MYORG: variants seen among roughly 807,000 people sequenced by gnomAD.
MYORG encodes the protein myogenesis regulating glycosidase, also known as alpha-galactosidase MYORG.
Under a neutral mutation model 49.8 loss-of-function variants are expected in MYORG, and 45 were observed. That is an observed-to-expected ratio of 0.90 (90% CI 0.71 to 1.16). MYORG has a LOEUF of 1.16. MYORG is among the 50% of genes most tolerant of loss of function. The pLI, the probability that MYORG is intolerant of heterozygous loss-of-function variation, is 0.00. For missense variants in MYORG, 1,110 were observed against 1,026.5 expected, an observed-to-expected ratio of 1.08 and a Z score of -1.11; for synonymous variants, 552 against 462.9, an observed-to-expected ratio of 1.19 and a Z score of -2.47.
rs779314269 is a variant in MYORG, at chr9:34,371,140, C to T, written c.1804G>A (p.Ala602Thr). 2.1e-5 allele frequency: 33 copies of T among 1,607,942 alleles called. No individual in the cohort carries two copies. Among genetic ancestry groups the T allele is most frequent in the Non-Finnish European group, 2.8e-5 (33 of 1,176,158 alleles). Residue 602 changes from alanine (A) to threonine (T), a missense_variant, in exon 2 of 2, where the codon GCC (alanine) becomes ACC (threonine). By Grantham distance (58) the Ala-to-Thr change is moderately conservative. Coordinates refer to ENST00000297625, the MANE Select transcript of MYORG (RefSeq NM_020702.5). ...AGGGCGGCGAACTTCTGCGCGATGG[C>T]CACCACTTCCGCGTCGTAGCGCCAG... ...PPWRYDAEVV[A>T]IAQKFAALRA...
chr9:34,375,485 C>T (rs1820704212), intron 1 of MYORG, among the ~76,000 whole-genome samples: 1 of 152,236 alleles, frequency 6.6e-6, no homozygotes, highest in Admixed American at 6.5e-5. Context: ...CAGCCAGTGG[C>T]CTTTAGGTGA....
rs888107605 is a variant in MYORG, at chr9:34,376,313, C to T, written c.-64+480G>A. Among the ~76,000 whole-genome samples the T allele has an allele frequency of 2.0e-5, 3 of 152,228 alleles. No homozygotes were observed. Among genetic ancestry groups the T allele is most frequent in the Admixed American group, 2.0e-4 (3 of 15,292 alleles). ...AGAGACCTCTGTAATCTGCCGCCTC[C>T]GCCAGGTGGAGTCTGGGCTCTGCCC... On this transcript the variant is annotated intron_variant, in intron 1 of 1. Coordinates refer to ENST00000297625, the MANE Select transcript of MYORG (RefSeq NM_020702.5). The surrounding 1 kb of genome is among the most constrained non-coding windows in gnomAD (Gnocchi z 4.4).
rs748468113 is a variant in MYORG at position 34,371,221 on chromosome 9, T to C, written c.1723A>G (p.Ile575Val). ...AAGGCGGCCACTTCCAGCCAGCGAA[T>C]GTAGAGCTCGCGCTCGGGCACATCG... is the stretch of plus-strand genomic sequence containing the variant. ...GGDVPERELYIRWLEVAAFMP... is the reference protein window; with the variant it reads ...GGDVPERELYVRWLEVAAFMP... Residue 575 changes from isoleucine to valine, a missense_variant, in exon 2 of 2, where the codon ATT (isoleucine) becomes GTT (valine). Transcript: ENST00000297625. The C allele has an allele frequency of 4.3e-6, 7 of 1,610,434 alleles. No homozygotes were observed. In the Admixed American group the frequency reaches 5.0e-5, roughly 12 times the overall value.
Position 34,372,758 on chromosome 9 carries a change from A to C in MYORG, c.186T>G (p.Val62=). ...CGGCCAGCACAAGCAGCAGCCCCAG[A>C]ACCGCGGAGCCCAGCAGCGGCTTCA... ...KDLKPLLGSA[V]LGLLLVLAAV... is the part of the protein sequence containing the mutation. Residue 62 remains valine, a synonymous_variant, in exon 2 of 2, where the codon GTT becomes GTG. Transcript: ENST00000297625. The C allele has an allele frequency of 6.2e-7, 1 of 1,613,892 alleles. No individual in the cohort carries two copies. Among genetic ancestry groups the C allele is most frequent in the Non-Finnish European group, 8.5e-7 (1 of 1,179,816 alleles).
Position 34,371,970 on chromosome 9 carries a change from C to T in MYORG, c.974G>A (p.Gly325Glu). ...DPIWSTWALY[G>E]RAVDQDKVLR... ...CACCTTGTCCTGGTCCACGGCGCGC[C>T]CGTACAGCGCCCATGTGGACCAAAT... The change falls in exon 2 of 2, where the codon GGG becomes GAG. Residue 325 changes from glycine to glutamate, a missense_variant. Gly to Glu is a moderately conservative substitution (Grantham distance 98). Transcript: ENST00000297625. 2 of 1,614,042 alleles carry T rather than the reference C, an allele frequency of 1.2e-6. No homozygotes were observed. Among genetic ancestry groups the T allele is most frequent in the Non-Finnish European group, 1.7e-6 (2 of 1,179,898 alleles).
In MYORG at chr9:34,370,873, C is replaced by T; in HGVS notation, c.2071G>A (p.Asp691Asn). 7.5e-6 allele frequency: 12 copies of T among 1,609,064 alleles called. No individual in the cohort carries two copies. The highest frequency in any genetic ancestry group is 9.4e-6 in the Non-Finnish European group (11 of 1,175,904). The part of the protein sequence containing the change: ...KWRSYKGELF[D>N]KTPVLLTDYP... ...TCGGTGAGCAGCACCGGCGTCTTGT[C>T]GAAAAGCTCACCCTTGTAGCTGCGC... The change falls in exon 2 of 2, where the codon GAC (aspartate) becomes AAC (asparagine). Residue 691 changes from aspartate (D) to asparagine (N), a missense_variant. By Grantham distance (23) the Asp-to-Asn change is conservative. Coordinates refer to ENST00000297625, the MANE Select transcript of MYORG (RefSeq NM_020702.5).
Position 34,372,238 on chromosome 9 carries a change from C to T in MYORG, c.706G>A (p.Ala236Thr), listed in dbSNP as rs1246602598. 2.5e-6 allele frequency: 4 copies of T among 1,610,148 alleles called. No individual in the cohort carries two copies. In the African/African-American group the frequency reaches 4.0e-5, roughly 16 times the overall value. The change falls in exon 2 of 2, where the codon GCC becomes ACC. Residue 236 changes from alanine to threonine, a missense_variant. Transcript: ENST00000297625. ...ERYWLSSRAAAIKVNDSVPFH... is the reference protein window; with the variant it reads ...ERYWLSSRAATIKVNDSVPFH... ...GGCACTGAGTCATTGACTTTGATGG[C>T]GGCCGCGCGCGAAGATAGCCAGTAG...
At position 34,372,840 on chromosome 9, in the gene MYORG, A is replaced by C. The variant is rs1317680181; in HGVS notation, c.104T>G (p.Met35Arg). ...QNPEAIAAAA[M>R]YTFLPDNFSP... ...GAAGTTGTCGGGCAGGAAGGTGTAC[A>C]TAGCTGCGGCTGCGATGGCCTCGGG... The change falls in exon 2 of 2, where the codon ATG becomes AGG. Residue 35 changes from methionine to arginine, a missense_variant. Physicochemically the swap from Met to Arg is moderately conservative, Grantham distance 91 (BLOSUM62 -1). Transcript: ENST00000297625. The C allele has an allele frequency of 6.2e-7, 1 of 1,614,038 alleles. No individual in the cohort carries two copies. Among genetic ancestry groups the C allele is most frequent in the East Asian group, 2.2e-5 (1 of 44,880 alleles).
chr9:34,372,760 C>A lies in MYORG; in HGVS notation c.184G>T (p.Val62Phe). 1 of 1,613,906 alleles carries A rather than the reference C, an allele frequency of 6.2e-7. No homozygotes were observed. Among genetic ancestry groups the A allele is most frequent in the Non-Finnish European group, 8.5e-7 (1 of 1,179,824 alleles). ...GCCAGCACAAGCAGCAGCCCCAGAA[C>A]CGCGGAGCCCAGCAGCGGCTTCAGG... ...KDLKPLLGSA[V>F]LGLLLVLAAV... Residue 62 changes from valine (V) to phenylalanine (F), a missense_variant, in exon 2 of 2, where the codon GTT (valine) becomes TTT (phenylalanine). By Grantham distance (50) the Val-to-Phe change is conservative. Coordinates refer to ENST00000297625, the MANE Select transcript of MYORG (RefSeq NM_020702.5).
rs997462150 is a variant in MYORG, at chr9:34,371,333, C to T, written c.1611G>A (p.Ala537=). The change falls in exon 2 of 2, where the codon GCG becomes GCA. Residue 537 remains alanine (A), a synonymous_variant. Coordinates refer to ENST00000297625, the MANE Select transcript of MYORG (RefSeq NM_020702.5). ...YDLGLRSLIP[A]VLTVSMLGYP... is the part of the protein sequence containing the mutation. Reference sequence around the variant, plus strand: ...AGCCCAGCATGCTGACGGTGAGCACCGCGGGGATGAGTGAGCGCAACCCCA... The same window carrying T: ...AGCCCAGCATGCTGACGGTGAGCACTGCGGGGATGAGTGAGCGCAACCCCA... 6.2e-7 allele frequency: 1 copy of T among 1,612,738 alleles called. No individual in the cohort carries two copies. The highest frequency in any genetic ancestry group is 8.5e-7 in the Non-Finnish European group (1 of 1,179,606).
Position 34,372,898 on chromosome 9 carries a change from G to A in MYORG, c.46C>T (p.Arg16Cys), listed in dbSNP as rs1477807615. ...CGGTATGCGTAGCAGCCAGGCCGGCGGCGGCGGGGGTAGGCCTGGCTCTTC... is the reference window on the plus strand; with the variant it reads ...CGGTATGCGTAGCAGCCAGGCCGGCAGCGGCGGGGGTAGGCCTGGCTCTTC... ...QEKSQAYPRR[R>C]RPGCYAYRQN... The change falls in exon 2 of 2, where the codon CGC becomes TGC. Residue 16 changes from arginine (R) to cysteine (C), a missense_variant. By Grantham distance (180) the Arg-to-Cys change is radical. Coordinates refer to ENST00000297625, the MANE Select transcript of MYORG (RefSeq NM_020702.5). The A allele has an allele frequency of 3.7e-6, 6 of 1,613,890 alleles. No homozygotes were observed. Among genetic ancestry groups the A allele is most frequent in the Non-Finnish European group, 5.1e-6 (6 of 1,179,878 alleles).
At chr9:34,374,193 C>T (rs56141384) in intron 1 of MYORG, among the ~76,000 whole-genome samples, 24,104 of 152,128 alleles carry the variant, frequency 0.16, 2,320 homozygotes, top group South Asian at 0.23. Context: ...TATTACCAAA[C>T]GCTTCCCCCA....
chr9:34,370,723 A>G lies in MYORG; in HGVS notation c.*76T>C, dbSNP rs1588002691. The stretch of plus-strand genomic sequence containing the variant: ...AGAGGTGGGAGGTTCCTGGGAGTAC[A>G]TGGTGCGGGTGTGACGGAGGGTTCA... On this transcript the variant is annotated 3_prime_UTR_variant, in exon 2 of 2. Transcript: ENST00000297625. 11 of 1,459,086 alleles carry G rather than the reference A, an allele frequency of 7.5e-6. No individual in the cohort carries two copies. The highest frequency in any genetic ancestry group is 3.8e-4 in the Middle Eastern group (2 of 5,236). 90.4% of individuals were successfully genotyped at this position (1,459,086 alleles called of 1,614,324 possible).
At chr9:34,373,796 C>A (rs1820680851) in intron 1 of MYORG, among the ~76,000 whole-genome samples, 1 of 152,150 alleles carries the variant, frequency 6.6e-6, no homozygotes, top group South Asian at 2.1e-4. Flanking sequence ...CTTCCCTGTC[C>A]CCAGAGGGGG....
intron 1 of MYORG, among the ~76,000 whole-genome samples, chr9:34,375,004 A>T (rs1319797942): frequency 1.3e-5 from 2 of 152,058 alleles, no homozygotes; most frequent in African/African-American, 4.8e-5. Context: ...TTCCTGTCCC[A>T]GGCTTCAGAG....
In MYORG at chr9:34,372,626, C is replaced by T. The variant is rs780289213; in HGVS notation, c.318G>A (p.Lys106=). 14 of 1,606,178 alleles carry T rather than the reference C, an allele frequency of 8.7e-6. No homozygotes were observed. The African/African-American group carries it at 1.7e-4, about 20-fold the overall frequency. The change falls in exon 2 of 2, where the codon AAG becomes AAA. Residue 106 remains lysine, a synonymous_variant. Coordinates refer to ENST00000297625, the MANE Select transcript of MYORG (RefSeq NM_020702.5). ...AGGCCAGGCGGAAGACCTGCTCTCC[C>T]TTCTGATTGCGGATGGAGAAGCCGC... ...KAGGFSIRNQ[K]GEQVFRLAFR...
chr9:34,371,737 C>G lies in MYORG; in HGVS notation c.1207G>C (p.Gly403Arg), dbSNP rs747426060. Reference sequence around the variant, plus strand: ...AACAGCTCGCGCTCCACGCCCTCGCCGAAGCGCGACGAGTTGTAGTTGACA... The same window carrying G: ...AACAGCTCGCGCTCCACGCCCTCGCGGAAGCGCGACGAGTTGTAGTTGACA... ...PFVNYNSSRF[G>R]EGVERELFVR... is the part of the protein sequence containing the mutation. Residue 403 changes from glycine (G) to arginine (R), a missense_variant, in exon 2 of 2, where the codon GGC becomes CGC. By Grantham distance (125) the Gly-to-Arg change is moderately radical. Transcript: ENST00000297625. The G allele has an allele frequency of 9.3e-6, 15 of 1,612,718 alleles. No individual in the cohort carries two copies. Among genetic ancestry groups the G allele is most frequent in the Non-Finnish European group, 1.3e-5 (15 of 1,179,396 alleles).
At position 34,371,717 on chromosome 9, in the gene MYORG, C is replaced by T; in HGVS notation, c.1227G>A (p.Glu409=). The T allele has an allele frequency of 1.2e-6, 2 of 1,611,838 alleles. No homozygotes were observed. Among genetic ancestry groups the T allele is most frequent in the Non-Finnish European group, 8.5e-7 (1 of 1,179,062 alleles). Residue 409 remains glutamate, a synonymous_variant, in exon 2 of 2, where the codon GAG becomes GAA. Transcript: ENST00000297625. Reference sequence around the variant, plus strand: ...GGCCCGTGGGTTCGCGCACGAACAGCTCGCGCTCCACGCCCTCGCCGAAGC... The same window carrying T: ...GGCCCGTGGGTTCGCGCACGAACAGTTCGCGCTCCACGCCCTCGCCGAAGC... ...SSRFGEGVER[E]LFVREPTGRL...
rs1391713161 is a variant in MYORG, at chr9:34,372,679, G to C, written c.265C>G (p.Arg89Gly). The C allele has an allele frequency of 6.2e-7, 1 of 1,609,380 alleles. No individual in the cohort carries two copies. Residue 89 changes from arginine (R) to glycine (G), a missense_variant, in exon 2 of 2, where the codon CGC becomes GGC. Coordinates refer to ENST00000297625, the MANE Select transcript of MYORG (RefSeq NM_020702.5). ...GCTTTCAGGTCCAGCAGCTCCGCGC[G>C]AAGTCGCTCCGCCTTGCGTAGGGAG... is the stretch of plus-strand genomic sequence containing the variant. Reference protein sequence around the residue: ...SVSLRKAERLRAELLDLKAGG... With the variant: ...SVSLRKAERLGAELLDLKAGG...
Sources: allele counts gnomAD v4.1 joint callset (sites outside exome capture counted in the v4.1 genomes callset), GRCh38; gene constraint gnomAD v4.1.1; non-coding constraint Gnocchi (gnomAD v3.1); transcripts MANE v1.5; gene names NCBI Gene and HGNC (gene_info 2026-07-23, HGNC 2026-07-21).